SPMIP2: variants seen among roughly 807,000 people sequenced by gnomAD.
SPMIP2 encodes sperm microtubule inner protein 2.
At chr4:159,018,323 C>A in the SPMIP2 span, among the ~76,000 whole-genome samples, 1 of 152,140 alleles carries the variant, frequency 6.6e-6, no homozygotes, top group Admixed American at 6.5e-5. Context: ...TCCAAATTTC[C>A]CACAAAATGT....
the SPMIP2 span, among the ~76,000 whole-genome samples, chr4:159,057,662 A>G: frequency 6.6e-6 from 1 of 152,330 alleles, no homozygotes; most frequent in East Asian, 1.9e-4. Flanking sequence ...ATTATATAAT[A>G]ATAGAAAATA....
At chr4:159,016,770 C>T in the SPMIP2 span, among the ~76,000 whole-genome samples, 17 of 152,288 alleles carry the variant, frequency 1.1e-4, no homozygotes, top group East Asian at 1.9e-4. Flanking sequence ...CTAGGTGAGC[C>T]GCAGCTGGGC....
the SPMIP2 span, among the ~76,000 whole-genome samples, chr4:159,003,198 T>C: frequency 6.6e-6 from 1 of 152,234 alleles, no homozygotes; most frequent in African/African-American, 2.4e-5. Flanking sequence ...TTACAGCACA[T>C]CATTTCCTTT....
At chr4:158,914,364 G>C in the SPMIP2 span, among the ~76,000 whole-genome samples, 2 of 152,210 alleles carry the variant, frequency 1.3e-5, no homozygotes, top group Non-Finnish European at 2.9e-5. Context: ...AGACATAATG[G>C]CTTGCTGATG....
the SPMIP2 span, among the ~76,000 whole-genome samples, chr4:158,944,226 A>T: frequency 6.6e-6 from 1 of 151,518 alleles, no homozygotes; most frequent in African/African-American, 2.4e-5. Context: ...CCTCCCATTC[A>T]TACCTCCCAC....
At chr4:158,930,055 G>T in the SPMIP2 span, among the ~76,000 whole-genome samples, 1 of 152,244 alleles carries the variant, frequency 6.6e-6, no homozygotes, top group East Asian at 1.9e-4. Context: ...TAGTATTCCT[G>T]CATACTACAA....
At chr4:159,012,238 T>C in the SPMIP2 span, among the ~76,000 whole-genome samples, 1 of 152,174 alleles carries the variant, frequency 6.6e-6, no homozygotes, top group African/African-American at 2.4e-5. Flanking sequence ...ACCCTAGCTC[T>C]ATTAAAACAA....
chr4:158,973,244 A>T, the SPMIP2 span: 82 of 1,613,764 alleles, frequency 5.1e-5, no homozygotes, highest in Non-Finnish European at 6.4e-5. Flanking sequence ...CTAACGCCAG[A>T]TGCTGTTCTC....
chr4:158,957,413 T>G, the SPMIP2 span, among the ~76,000 whole-genome samples: 2 of 151,950 alleles, frequency 1.3e-5, no homozygotes, highest in Non-Finnish European at 2.9e-5. Flanking sequence ...CTGCCAGGAA[T>G]GATCTTGTAC....
the SPMIP2 span, among the ~76,000 whole-genome samples, chr4:159,026,923 G>T: frequency 1.3e-5 from 2 of 150,552 alleles, no homozygotes; most frequent in Non-Finnish European, 3.0e-5. Context: ...CAAAAAACTT[G>T]AAGTTAAGAC....
At chr4:159,029,354 T>A in the SPMIP2 span, among the ~76,000 whole-genome samples, 1 of 152,158 alleles carries the variant, frequency 6.6e-6, no homozygotes, top group African/African-American at 2.4e-5. Context: ...ATATTCAGTA[T>A]CTTAATCTAA....
the SPMIP2 span, among the ~76,000 whole-genome samples, chr4:159,053,246 G>A: frequency 1.3e-5 from 2 of 152,050 alleles, no homozygotes; most frequent in Non-Finnish European, 1.5e-5. Context: ...GTGAGCCACC[G>A]CGCCCGGCCG....
chr4:158,993,665 C>T, the SPMIP2 span, among the ~76,000 whole-genome samples: 5 of 152,000 alleles, frequency 3.3e-5, no homozygotes, highest in Admixed American at 6.6e-5. Context: ...AAACAAAGGC[C>T]GCTGCCTTTA....
At chr4:158,917,324 G>A in the SPMIP2 span, among the ~76,000 whole-genome samples, 1 of 152,058 alleles carries the variant, frequency 6.6e-6, no homozygotes. Context: ...CTACTCGGGA[G>A]GCCAAGGCAG....
At chr4:158,899,288 G>A in the SPMIP2 span, among the ~76,000 whole-genome samples, 1 of 152,188 alleles carries the variant, frequency 6.6e-6, no homozygotes, top group Non-Finnish European at 1.5e-5. Flanking sequence ...ATGTTCATCA[G>A]GGATATTGGC....
At chr4:158,996,701 T>A in the SPMIP2 span, among the ~76,000 whole-genome samples, 1 of 151,624 alleles carries the variant, frequency 6.6e-6, no homozygotes, top group South Asian at 2.1e-4. Flanking sequence ...CCCTGGCCAG[T>A]TCCCCTTGAG....
At chr4:158,964,962 T>C in the SPMIP2 span, among the ~76,000 whole-genome samples, 2 of 152,132 alleles carry the variant, frequency 1.3e-5, no homozygotes, top group Non-Finnish European at 2.9e-5. Flanking sequence ...CCTTGACTGA[T>C]GGGGATTATA....
chr4:159,076,918 C>T, the SPMIP2 span, among the ~76,000 whole-genome samples: 1 of 152,048 alleles, frequency 6.6e-6, no homozygotes, highest in East Asian at 1.9e-4. Context: ...TCACTGCAGC[C>T]TCCACCTCCT....
the SPMIP2 span, among the ~76,000 whole-genome samples, chr4:158,964,373 C>A: frequency 6.6e-6 from 1 of 152,110 alleles, no homozygotes; most frequent in Non-Finnish European, 1.5e-5. Flanking sequence ...ACTTCACAGC[C>A]GTAGTTAACA....
Sources: gnomAD v4.1 joint callset for allele counts (sites outside exome capture counted in the v4.1 genomes callset) on GRCh38, gnomAD v4.1.1 for gene constraint, MANE v1.5 for transcripts, NCBI Gene and HGNC (gene_info 2026-07-23, HGNC 2026-07-21) for gene names.